DIAPH2: variants seen among roughly 807,000 people sequenced by gnomAD.
DIAPH2 encodes diaphanous related formin 2, also known as protein diaphanous homolog 2.
In DIAPH2, 35 loss-of-function variants were observed where a neutral mutation model predicts 92.7. That is an observed-to-expected ratio of 0.38 (90% CI 0.29 to 0.50). The LOEUF (loss-of-function observed/expected upper bound fraction) is 0.50. Ranked by LOEUF, DIAPH2 falls within the 20% of genes least tolerant of loss-of-function variation. The pLI is 0.94. For missense variants in DIAPH2, 701 were observed against 819.5 expected (o/e 0.86, Z 1.77); for synonymous variants, 301 against 280.4 (o/e 1.07, Z -0.73).
At chrX:97,590,743 C>T (rs1231238140) in intron 26 of DIAPH2, among the ~76,000 whole-genome samples, 2 of 111,779 alleles carry the variant, frequency 1.8e-5, no homozygotes, top group East Asian at 2.8e-4. Flanking sequence ...ATGCCTTCAT[C>T]GGCTTTTCTA....
At chrX:97,449,588 G>A (rs1403703741) in intron 26 of DIAPH2, 1 of 487,022 alleles carries the variant, frequency 2.1e-6, no homozygotes, top group African/African-American at 2.6e-5. Context: ...AGATTGTTGG[G>A]AAGGGGTGGA....
chrX:97,480,311 G>T (rs1261889932), intron 26 of DIAPH2, among the ~76,000 whole-genome samples: 1 of 111,787 alleles, frequency 8.9e-6, no homozygotes, highest in African/African-American at 3.2e-5. Context: ...ACCATAAAAA[G>T]CTAGGAGAGA....
intron 17 of DIAPH2, among the ~76,000 whole-genome samples, chrX:97,010,641 C>T (rs939003251): frequency 1.5e-4 from 17 of 111,540 alleles, no homozygotes; most frequent in African/African-American, 5.5e-4. Context: ...AGTGGCTTTC[C>T]TAGAGGAAAA....
chrX:97,247,966 T>G, intron 23 of DIAPH2, 127 bp downstream of exon 23: 1 of 591,975 alleles, frequency 1.7e-6, no homozygotes. Context: ...GTGTATATGC[T>G]GTTTTTCTAT....
chrX:97,352,900 C>T (rs2069232130), intron 24 of DIAPH2, among the ~76,000 whole-genome samples: 1 of 101,072 alleles, frequency 9.9e-6, no homozygotes, highest in African/African-American at 3.6e-5. Context: ...AAAAGAACAG[C>T]ATACAATATA....
chrX:96,744,177 A>G (rs1280187095), intron 3 of DIAPH2, among the ~76,000 whole-genome samples: 2 of 112,416 alleles, frequency 1.8e-5, no homozygotes, highest in Non-Finnish European at 3.8e-5. Flanking sequence ...ATAACCTTAC[A>G]GTGAACAAAT....
chrX:97,154,739 A>G (rs974250365), intron 22 of DIAPH2, among the ~76,000 whole-genome samples: 22 of 111,942 alleles, frequency 2.0e-4, no homozygotes, highest in African/African-American at 6.2e-4. Flanking sequence ...TAAATTGTTC[A>G]TTTGTATCCC....
At chrX:97,300,928 T>C (rs1334569588) in intron 23 of DIAPH2, among the ~76,000 whole-genome samples, 1 of 13,314 alleles carries the variant, frequency 7.5e-5, no homozygotes, top group Admixed American at 1.9e-3. Context: ...CAAGACTCCG[T>C]CTTAAAAAAA....
chrX:96,870,597 T>G (rs749522226), intron 4 of DIAPH2, among the ~76,000 whole-genome samples: 2 of 110,844 alleles, frequency 1.8e-5, no homozygotes, highest in East Asian at 2.8e-4. Context: ...TTTATTCATG[T>G]GACAATTAGT....
At chrX:97,044,905 T>A (rs1029472115) in intron 17 of DIAPH2, among the ~76,000 whole-genome samples, 1 of 111,786 alleles carries the variant, frequency 8.9e-6, no homozygotes, top group Non-Finnish European at 1.9e-5. Context: ...CAGAGTCTAC[T>A]CTTCTTAAGA....
At chrX:97,459,635 T>TATGCAGAATATATATAC (rs2070441494) in intron 26 of DIAPH2, among the ~76,000 whole-genome samples, 2 of 112,324 alleles carry the variant, frequency 1.8e-5, no homozygotes, top group African/African-American at 6.5e-5. Flanking sequence ...ATGGGTTATG[T>TATGCAGAATATATATAC]ATATTCTGCA....
chrX:96,762,239 T>C (rs1015199857), intron 4 of DIAPH2, among the ~76,000 whole-genome samples: 9 of 111,521 alleles, frequency 8.1e-5, no homozygotes, highest in African/African-American at 2.3e-4. Flanking sequence ...TGTTTAGGAC[T>C]ATGAGTTTAC....
At position 97,432,758 on chromosome X, in the gene DIAPH2, A is replaced by T. The variant is rs2070140859; in HGVS notation, c.3241+3013A>T. 1.8e-5 allele frequency among the ~76,000 whole-genome samples: 2 copies of T among 111,248 alleles called. 1 individual carries two copies. Among genetic ancestry groups the T allele is most frequent in the Admixed American group, 1.9e-4 (2 of 10,410 alleles). On this transcript the variant is annotated intron_variant, in intron 26 of 26. Coordinates refer to ENST00000324765, the MANE Select transcript of DIAPH2 (RefSeq NM_006729.5). ...CACCTCGGCCTCCCAAAGTGCTGGG[A>T]TTACAGGCGTGAGCCACCATGCCCG...
chrX:96,897,689 C>T (rs1047566734), intron 5 of DIAPH2, among the ~76,000 whole-genome samples: 3 of 110,030 alleles, frequency 2.7e-5, no homozygotes, highest in Non-Finnish European at 5.7e-5. Flanking sequence ...AAATGTTAAA[C>T]AATTAAAAAA....
At chrX:97,290,096 T>TAA (rs201487110) in intron 23 of DIAPH2, among the ~76,000 whole-genome samples, 20 of 106,396 alleles carry the variant, frequency 1.9e-4, no homozygotes, top group East Asian at 8.7e-4. Flanking sequence ...TATATATATA[T>TAA]AATTAGATAT....
chrX:97,433,829 C>T (rs754087808), intron 26 of DIAPH2, among the ~76,000 whole-genome samples: 12 of 111,919 alleles, frequency 1.1e-4, no homozygotes, highest in African/African-American at 3.2e-4. Flanking sequence ...AGAAAGACTA[C>T]AGAATAAGGC....
At chrX:97,322,442 G>A (rs1884770181) in intron 23 of DIAPH2, among the ~76,000 whole-genome samples, 1 of 111,629 alleles carries the variant, frequency 9.0e-6, no homozygotes, top group South Asian at 3.8e-4. Context: ...AATGAGGATG[G>A]GGAAGGGCCA....
intron 15 of DIAPH2, chrX:96,953,549 C>T (rs1027015222): frequency 8.9e-6 from 1 of 111,810 alleles, no homozygotes; most frequent in African/African-American, 3.2e-5. Flanking sequence ...TTATTCATCA[C>T]GGAGAACAAA....
At chrX:97,085,513 C>G (rs147352977) in intron 19 of DIAPH2, among the ~76,000 whole-genome samples, 1,131 of 111,111 alleles carry the variant, frequency 0.01, 19 homozygotes, top group African/African-American at 0.035. Flanking sequence ...CAACCTCTGC[C>G]TTCTGGGCTC....
Sources: gnomAD v4.1 joint callset for allele counts (sites outside exome capture counted in the v4.1 genomes callset) on GRCh38, gnomAD v4.1.1 for gene constraint, MANE v1.5 for transcripts, NCBI Gene and HGNC (gene_info 2026-07-23, HGNC 2026-07-21) for gene names.